Variants in DNMT1 observed in about 807,000 individuals in gnomAD.
The protein encoded by DNMT1 is DNA (cytosine-5)-methyltransferase 1.
In DNMT1, 24 loss-of-function variants were observed where a neutral mutation model predicts 205.3. The ratio of observed to expected loss-of-function variants is 0.12; its 90% CI spans 0.08 to 0.16. The LOEUF is 0.16. DNMT1 is among the 10% of genes least tolerant of loss of function. The pLI, the probability that DNMT1 is intolerant of heterozygous loss-of-function variation, is 1.00. For synonymous variants in DNMT1, 817 were observed against 839.8 expected, an observed-to-expected ratio of 0.97 and a Z score of 0.47; for missense variants, 1,293 against 2,177.7, an observed-to-expected ratio of 0.59 and a Z score of 8.09.
At chr19:10,148,133 A>G (rs1208994276) in intron 27 of DNMT1, among the ~76,000 whole-genome samples, 1 of 147,804 alleles carries the variant, frequency 6.8e-6, no homozygotes, top group African/African-American at 2.5e-5. Flanking sequence ...AAAAAAAAAA[A>G]AAAAATTAAA....
intron 38 of DNMT1, 24 bp downstream of exon 38, chr19:10,136,097 C>T: frequency 1.9e-6 from 3 of 1,613,744 alleles, no homozygotes; most frequent in Non-Finnish European, 2.5e-6. Context: ...GACCCAGGCC[C>T]TCGGATGCCC....
intron 1 of DNMT1, among the ~76,000 whole-genome samples, chr19:10,186,739 G>A (rs2039190079): frequency 6.6e-6 from 1 of 150,574 alleles, no homozygotes; most frequent in Non-Finnish European, 1.5e-5. Flanking sequence ...TCAGGAGGCT[G>A]AGGCAGGAGA....
At position 10,168,033 on chromosome 19, in the gene DNMT1, G is replaced by A. The variant is rs553951856; in HGVS notation, c.803+297C>T. On this transcript the variant is annotated intron_variant, in intron 10 of 40. Transcript: ENST00000359526. The stretch of plus-strand genomic sequence containing the variant: ...AGCTACTCGGGAGGCTGAGACAGGA[G>A]AATTGCTTGAGCCCGGGAGGTGGGG... Among the ~76,000 whole-genome samples the A allele has an allele frequency of 2.0e-5, 3 of 152,212 alleles. No homozygotes were observed. The East Asian group carries it at 5.8e-4, about 29-fold the overall frequency.
chr19:10,139,723 G>A lies in DNMT1; in HGVS notation c.3901C>T (p.Arg1301Cys), dbSNP rs755492225. 16 of 1,613,610 alleles carry A rather than the reference G, an allele frequency of 9.9e-6. No individual in the cohort carries two copies. Among genetic ancestry groups the A allele is most frequent in the South Asian group, 3.3e-5 (3 of 90,948 alleles). The change falls in exon 34 of 41, where the codon CGC (arginine) becomes TGC (cysteine). Residue 1301 changes from arginine to cysteine, a missense_variant. Transcript: ENST00000359526. ...TGATAGCCCATGCGGACCAGGCAGC[G>A]GAGGGTGAGCTTCAGGACCATGGAG... ...KRSMVLKLTL[R>C]CLVRMGYQCT...
chr19:10,160,267 G>T (rs1023173776), intron 14 of DNMT1, 117 bp downstream of exon 14: 23 of 1,548,706 alleles, frequency 1.5e-5, no homozygotes, highest in South Asian at 1.1e-4. Flanking sequence ...TCACCAACCC[G>T]ATCCAAAATG....
At position 10,156,864 on chromosome 19, in the gene DNMT1, C is replaced by T. The variant is rs2038467156; in HGVS notation, c.1281-355G>A. On this transcript the variant is annotated intron_variant, in intron 17 of 40. Coordinates refer to ENST00000359526, the MANE Select transcript of DNMT1 (RefSeq NM_001130823.3). This position sits in a 1 kb window ranked among gnomAD's most constrained non-coding sequence, Gnocchi z 4.2. ...AACTCTTTATCTCCAGTGATCTACC[C>T]ACCTCAGCCTCCCAAAGTGCTGGGA... Among the ~76,000 whole-genome samples, 1 of 151,952 alleles carries T rather than the reference C, an allele frequency of 6.6e-6. No individual in the cohort carries two copies.
chr19:10,137,434 C>A lies in DNMT1; in HGVS notation c.4294-154G>T. The A allele has an allele frequency of 1.0e-6, 1 of 959,772 alleles. No individual in the cohort carries two copies. The highest frequency in any genetic ancestry group is 1.5e-6 in the Non-Finnish European group (1 of 646,894). 59.5% of individuals were successfully genotyped at this position (959,772 alleles called of 1,614,324 possible). On this transcript the variant is annotated intron_variant, in intron 36 of 40. Transcript: ENST00000359526. The surrounding 1 kb of genome is among the most constrained non-coding windows in gnomAD (Gnocchi z 6.4). ...ACAGTCAGGGATATCGCACTTGGCTCGAGGCCACGGCAGGGACCTGAGGCA... is the reference window on the plus strand; with the variant it reads ...ACAGTCAGGGATATCGCACTTGGCTAGAGGCCACGGCAGGGACCTGAGGCA...
chr19:10,149,352 A>G, intron 26 of DNMT1, 101 bp downstream of exon 26: 1 of 1,439,618 alleles, frequency 6.9e-7, no homozygotes, highest in Middle Eastern at 2.2e-4. Flanking sequence ...CAAAAAAAAA[A>G]CCAAATTAAA....
chr19:10,144,988 C>A (rs573608936), intron 28 of DNMT1, among the ~76,000 whole-genome samples: 1 of 152,200 alleles, frequency 6.6e-6, no homozygotes, highest in Non-Finnish European at 1.5e-5. Flanking sequence ...CATGAGCCAC[C>A]GCACCCAGTC....
In DNMT1 at chr19:10,154,534, C is replaced by A. The variant is rs2038415515; in HGVS notation, c.1832+52G>T. On this transcript the variant is annotated intron_variant, in intron 21 of 40. Transcript: ENST00000359526. This position sits in a 1 kb window ranked among gnomAD's most constrained non-coding sequence, Gnocchi z 6.3. Reference sequence around the variant, plus strand: ...ACTGGGACAGAGGATGTGGGCCATGCTCTACCCTCCCCGGTCTCCAGTCTT... The same window carrying A: ...ACTGGGACAGAGGATGTGGGCCATGATCTACCCTCCCCGGTCTCCAGTCTT... 4 of 1,614,094 alleles carry A rather than the reference C, an allele frequency of 2.5e-6. No homozygotes were observed. Among genetic ancestry groups the A allele is most frequent in the South Asian group, 1.1e-5 (1 of 91,082 alleles).
intron 1 of DNMT1, among the ~76,000 whole-genome samples, chr19:10,187,394 G>A (rs2039209141): frequency 6.6e-6 from 1 of 152,080 alleles, no homozygotes; most frequent in African/African-American, 2.4e-5. Flanking sequence ...CTTGAGCCCA[G>A]GAATTCGAGA....
At position 10,138,564 on chromosome 19, in the gene DNMT1, G is replaced by A; in HGVS notation, c.3990C>T (p.Ile1330=). The A allele has an allele frequency of 2.5e-6, 4 of 1,609,656 alleles. No individual in the cohort carries two copies. The highest frequency in any genetic ancestry group is 1.1e-5 in the South Asian group (1 of 91,084). ...YGVAQTRRRA[I]ILAAAPGEKL... is the part of the protein sequence containing the mutation. ...TCTCTCCAGGGGCCGCGGCCAGGAT[G>A]ATGGCCCGCCTCCTAGTCTGGGCCA... is the stretch of plus-strand genomic sequence containing the variant. The change falls in exon 35 of 41, where the codon ATC becomes ATT. Residue 1330 remains isoleucine, a synonymous_variant. Transcript: ENST00000359526. This position sits in a 1 kb window ranked among gnomAD's most constrained non-coding sequence, Gnocchi z 4.1.
In DNMT1 at chr19:10,194,817, T is replaced by C. The variant is rs1210426678; in HGVS notation, c.80+3A>G. 6.2e-7 allele frequency: 1 copy of C among 1,610,148 alleles called. No homozygotes were observed. The highest frequency in any genetic ancestry group is 1.7e-5 in the Admixed American group (1 of 59,886). ...AGTCCGTGTTCCCCCCCATGGTACC[T>C]ACCGCCTGCGGACATCGTCGGGCAG... On this transcript the variant is annotated splice_donor_region_variant and intron_variant, in intron 1 of 40. Transcript: ENST00000359526.
Position 10,140,037 on chromosome 19 carries a change from C to T in DNMT1, c.3806+9G>A. 6.2e-7 allele frequency: 1 copy of T among 1,606,972 alleles called. No homozygotes were observed. Among genetic ancestry groups the T allele is most frequent in the Non-Finnish European group, 8.5e-7 (1 of 1,180,014 alleles). On this transcript the variant is annotated intron_variant, in intron 33 of 40. Transcript: ENST00000359526. The surrounding 1 kb of genome is among the most constrained non-coding windows in gnomAD (Gnocchi z 8.4). Reference sequence around the variant, plus strand: ...GTCTGGCAACACTGGGGGGCTTCTACCCGTTTACCTGAGGAAGGAAACCAC... The same window carrying T: ...GTCTGGCAACACTGGGGGGCTTCTATCCGTTTACCTGAGGAAGGAAACCAC...
intron 6 of DNMT1, 143 bp from the exon 7 acceptor site, chr19:10,175,761 T>C: frequency 1.2e-6 from 1 of 832,950 alleles, no homozygotes; most frequent in Admixed American, 2.0e-5. Flanking sequence ...AATGTTGTCT[T>C]GCCATCTTGT....
At chr19:10,171,411 C>G (rs777420011) in intron 9 of DNMT1, among the ~76,000 whole-genome samples, 42 of 152,230 alleles carry the variant, frequency 2.8e-4, no homozygotes, top group Non-Finnish European at 5.1e-4. Context: ...GTGGCTCGTG[C>G]CTGTAATCCC....
rs2038296666 is a variant in DNMT1, at chr19:10,149,784, G to A, written c.2381+69C>T. 10 of 1,602,420 alleles carry A rather than the reference G, an allele frequency of 6.2e-6. No individual in the cohort carries two copies. The Admixed American group carries it at 1.7e-4, about 27-fold the overall frequency. On this transcript the variant is annotated intron_variant, in intron 25 of 40. Transcript: ENST00000359526. ...GGCAAAAAGCTGCTGGTGCTATTTT[G>A]GCAAAACAGGCATCTCCTACTTGAT...
chr19:10,134,458 A>G, intron 39 of DNMT1, 151 bp from the exon 40 acceptor site: 4 of 668,720 alleles, frequency 6.0e-6, no homozygotes, highest in East Asian at 2.7e-5. Flanking sequence ...TGGGCCCAAA[A>G]CCCTTCCAGC....
rs1452414039 is a variant in DNMT1 at position 10,134,281 on chromosome 19, C to T, written c.4800G>A (p.Leu1600=). The T allele has an allele frequency of 6.2e-7, 1 of 1,614,152 alleles. No individual in the cohort carries two copies. Residue 1600 remains leucine (L), a synonymous_variant, in exon 40 of 41, where the codon CTG becomes CTA. Transcript: ENST00000359526. ...TGATCTCCAAGCCAATGGCTTTGGC[C>T]AGGGGCGGTGGCACGGCATTGCCCA... The part of the protein sequence containing the change: ...RQVGNAVPPP[L]AKAIGLEIKL...
Sources: gnomAD v4.1 joint callset for allele counts (sites outside exome capture counted in the v4.1 genomes callset) on GRCh38, gnomAD v4.1.1 for gene constraint, Gnocchi (gnomAD v3.1) non-coding constraint, MANE v1.5 for transcripts, NCBI Gene and HGNC (gene_info 2026-07-23, HGNC 2026-07-21) for gene names.